Variants in COL27A1 observed in about 807,000 individuals in gnomAD.
COL27A1 encodes collagen type XXVII alpha 1 chain, also known as collagen alpha-1(XXVII) chain.
A neutral mutation model predicts 251.3 loss-of-function variants in COL27A1; 106 were observed. The ratio of observed to expected loss-of-function variants is 0.42; its 90% CI spans 0.36 to 0.50. The LOEUF is 0.50. Among genes scored for constraint, COL27A1 ranks in the 20% least tolerant of loss-of-function variants. The pLI is 0.00. For missense variants in COL27A1, 2,325 were observed against 2,522.8 expected, an observed-to-expected ratio of 0.92 and a Z score of 1.68; for synonymous variants, 1,000 against 986.3, an observed-to-expected ratio of 1.01 and a Z score of -0.26.
intron 27 of COL27A1, among the ~76,000 whole-genome samples, chr9:114,254,831 G>C (rs918086653): frequency 2.0e-5 from 3 of 152,316 alleles, no homozygotes; most frequent in Non-Finnish European, 4.4e-5. Context: ...AAGAGTTCCA[G>C]CTCTTAAGAC....
chr9:114,217,149 C>T (rs1830764583), intron 12 of COL27A1, among the ~76,000 whole-genome samples: 1 of 152,210 alleles, frequency 6.6e-6, no homozygotes, highest in African/African-American at 2.4e-5. Flanking sequence ...CCACCATCAT[C>T]GCCCTCTGGC....
chr9:114,201,740 C>A (rs989303862), intron 7 of COL27A1, among the ~76,000 whole-genome samples: 6 of 151,472 alleles, frequency 4.0e-5, no homozygotes, highest in African/African-American at 1.5e-4. Context: ...CTCAGTTACT[C>A]CAGGGTTTCA....
intron 7 of COL27A1, among the ~76,000 whole-genome samples, chr9:114,198,656 G>C (rs1829332806): frequency 6.6e-6 from 1 of 152,196 alleles, no homozygotes; most frequent in Non-Finnish European, 1.5e-5. Flanking sequence ...GATTGAAACA[G>C]TTTCTCAAAC....
intron 5 of COL27A1, among the ~76,000 whole-genome samples, chr9:114,186,859 G>A (rs1189492120): frequency 6.6e-6 from 1 of 152,236 alleles, no homozygotes; most frequent in African/African-American, 2.4e-5. Flanking sequence ...GGACCATGGT[G>A]GAGTCAGGTG....
chr9:114,168,928 C>G lies in COL27A1; in HGVS notation c.1373C>G (p.Ala458Gly), dbSNP rs1329138503. ...TCTAAAAAACCCATTCCCACACTAG[C>G]TCGGACTGAGGCCAAGATAACCAGC... ...SSSKKPIPTL[A>G]RTEAKITSHA... Residue 458 changes from alanine to glycine, a missense_variant, in exon 3 of 61, where the codon GCT becomes GGT. This residue lies in a region of COL27A1 where 1,183 missense variants were observed against 1,144.1 expected (regional missense o/e 1.03). Coordinates refer to ENST00000356083, the MANE Select transcript of COL27A1 (RefSeq NM_032888.4). The G allele has an allele frequency of 6.2e-7, 1 of 1,614,086 alleles. No homozygotes were observed.
chr9:114,271,391 A>G (rs10982129), intron 36 of COL27A1: 24,307 of 153,444 alleles, frequency 0.16, 2,102 homozygotes, highest in African/African-American at 0.19. Context: ...ACTCTGCTGT[A>G]CCATGCACCC....
Position 114,169,399 on chromosome 9 carries a change from C to A in COL27A1, c.1844C>A (p.Ala615Glu). The change falls in exon 3 of 61, where the codon GCA (alanine) becomes GAA (glutamate). Residue 615 changes from alanine (A) to glutamate (E), a missense_variant. Physicochemically the swap from Ala to Glu is moderately radical, Grantham distance 107. This residue lies in a region of COL27A1 where 1,183 missense variants were observed against 1,144.1 expected (regional missense o/e 1.03). Coordinates refer to ENST00000356083, the MANE Select transcript of COL27A1 (RefSeq NM_032888.4). Reference sequence around the variant, plus strand: ...AGTGGCTATTCGATCTTCCACCTGGCAGGATCTACGCCTTTCCCTCTGCTG... The same window carrying A: ...AGTGGCTATTCGATCTTCCACCTGGAAGGATCTACGCCTTTCCCTCTGCTG... ...TSSGYSIFHLAGSTPFPLLMG... is the reference protein window; with the variant it reads ...TSSGYSIFHLEGSTPFPLLMG... 1 of 1,605,116 alleles carries A rather than the reference C, an allele frequency of 6.2e-7. No individual in the cohort carries two copies. The highest frequency in any genetic ancestry group is 1.1e-5 in the South Asian group (1 of 90,026).
rs1468774051 is a variant in COL27A1, at chr9:114,250,659, G to C, written c.3024G>C (p.Val1008=). The C allele has an allele frequency of 6.2e-7, 1 of 1,611,728 alleles. No homozygotes were observed. ...GTCTGGTCGGGGAGCCAGGAATCGT[G>C]GGAGAAAAGGTAAGTGGTGTTGAGG... The part of the protein sequence containing the change: ...FIGLVGEPGI[V]GEKGDRGMMG... Residue 1008 remains valine (V), a synonymous_variant, in exon 25 of 61, where the codon GTG becomes GTC. Coordinates refer to ENST00000356083, the MANE Select transcript of COL27A1 (RefSeq NM_032888.4).
At position 114,162,746 on chromosome 9, in the gene COL27A1, T is replaced by C. The variant is rs771654571; in HGVS notation, c.94T>C (p.Phe32Leu). ...GFLFSWILVSFACHLASTQGA... is the reference protein window; with the variant it reads ...GFLFSWILVSLACHLASTQGA... The stretch of plus-strand genomic sequence containing the variant: ...TCTCTTCTCCTGGATCTTAGTCTCG[T>C]TTGCCTGTCACCTGGCCTCCACCCA... The change falls in exon 2 of 61, where the codon TTT (phenylalanine) becomes CTT (leucine). Residue 32 changes from phenylalanine (F) to leucine (L), a missense_variant. This residue lies in a region of COL27A1 where 1,183 missense variants were observed against 1,144.1 expected (regional missense o/e 1.03). Coordinates refer to ENST00000356083, the MANE Select transcript of COL27A1 (RefSeq NM_032888.4). 9 of 1,612,974 alleles carry C rather than the reference T, an allele frequency of 5.6e-6. No individual in the cohort carries two copies. In the African/African-American group the frequency reaches 1.1e-4, roughly 19 times the overall value.
chr9:114,253,295 AAAAGAAAGAAAG>A (rs144800654), intron 27 of COL27A1, among the ~76,000 whole-genome samples: 5 of 140,252 alleles, frequency 3.6e-5, no homozygotes, highest in Admixed American at 7.1e-5. Context: ...GAGACAGAGA[AAAAGAAAGAAAG>A]AAAGAAAGAA....
intron 49 of COL27A1, among the ~76,000 whole-genome samples, chr9:114,296,397 T>C (rs1365433928): frequency 6.6e-6 from 1 of 152,160 alleles, no homozygotes; most frequent in Admixed American, 6.5e-5. Flanking sequence ...GGGCAGAAGA[T>C]TTGAATAGAC....
chr9:114,301,490 G>A (rs1281819094), intron 54 of COL27A1, 28 bp downstream of exon 54: 2 of 1,602,746 alleles, frequency 1.2e-6, no homozygotes, highest in East Asian at 4.5e-5. Context: ...GAGGGCTGTG[G>A]GGCGGGGCGT....
intron 3 of COL27A1, among the ~76,000 whole-genome samples, chr9:114,172,436 A>G (rs1849385852): frequency 6.6e-6 from 1 of 152,160 alleles, no homozygotes; most frequent in Non-Finnish European, 1.5e-5. Context: ...TTTTTGTAGA[A>G]CATAAGATGA....
At chr9:114,182,928 T>A in intron 4 of COL27A1, 94 bp from the exon 5 acceptor site, 1 of 1,060,940 alleles carries the variant, frequency 9.4e-7, no homozygotes, top group South Asian at 1.4e-5. Context: ...GATAAACCAG[T>A]GGGTGGAGGG....
At chr9:114,303,013 C>G (rs1268144020) in intron 56 of COL27A1, among the ~76,000 whole-genome samples, 1 of 152,212 alleles carries the variant, frequency 6.6e-6, no homozygotes, top group Non-Finnish European at 1.5e-5. Flanking sequence ...CTGCCACTCC[C>G]TCTGCACCAT....
chr9:114,284,299 G>C (rs1836118082), intron 40 of COL27A1, among the ~76,000 whole-genome samples: 1 of 152,242 alleles, frequency 6.6e-6, no homozygotes, highest in Non-Finnish European at 1.5e-5. Flanking sequence ...AGGGAAGGGA[G>C]GAGGAGGAGA....
chr9:114,304,615 A>G lies in COL27A1; in HGVS notation c.4880A>G (p.Asp1627Gly), dbSNP rs537785868. ...TGTCTTTTCCTTGCCCAGCAACAAG[A>G]TGATCTTGGGGCAGCTTTCCAGACG... The part of the protein sequence containing the change: ...PPGGPIQLQQ[D>G]DLGAAFQTWM... Residue 1627 changes from aspartate to glycine, a missense_variant, in exon 57 of 61, where the codon GAT becomes GGT. This residue lies in a region of COL27A1 where 327 missense variants were observed against 442.8 expected (regional missense o/e 0.74). Coordinates refer to ENST00000356083, the MANE Select transcript of COL27A1 (RefSeq NM_032888.4). 3.1e-6 allele frequency: 5 copies of G among 1,614,140 alleles called. No individual in the cohort carries two copies. Among genetic ancestry groups the G allele is most frequent in the East Asian group, 2.2e-5 (1 of 44,880 alleles).
At chr9:114,276,254 C>T (rs1835499439) in intron 37 of COL27A1, among the ~76,000 whole-genome samples, 1 of 152,240 alleles carries the variant, frequency 6.6e-6, no homozygotes, top group South Asian at 2.1e-4. Context: ...GCATAACCTT[C>T]AGTGTATGTC....
intron 32 of COL27A1, among the ~76,000 whole-genome samples, chr9:114,266,073 T>G (rs571990170): frequency 2.0e-5 from 3 of 152,028 alleles, no homozygotes; most frequent in Admixed American, 6.6e-5. Flanking sequence ...CTACAAGAGA[T>G]GGCAGAGAGA....
Sources: gnomAD v4.1 joint callset for allele counts (sites outside exome capture counted in the v4.1 genomes callset) on GRCh38, gnomAD v4.1.1 for gene constraint, gnomAD v4.1.1 regional missense constraint, MANE v1.5 for transcripts, NCBI Gene and HGNC (gene_info 2026-07-23, HGNC 2026-07-21) for gene names.